Variants in GRIK1 observed in about 807,000 individuals in gnomAD.
GRIK1 encodes glutamate receptor ionotropic, kainate 1.
GRIK1 carries 69 observed loss-of-function variants against 105.7 expected under a neutral mutation model. The ratio of observed to expected loss-of-function variants is 0.65; its 90% CI spans 0.54 to 0.80. The LOEUF (loss-of-function observed/expected upper bound fraction) is 0.80, where lower values mean the gene tolerates loss of function less well. Among genes scored for constraint, GRIK1 ranks in the 30% least tolerant of loss-of-function variants. GRIK1 has a pLI of 0.00. For missense variants in GRIK1, 1,109 were observed against 1,167.3 expected (o/e 0.95, Z 0.73); for synonymous variants, 438 against 431.3 (o/e 1.02, Z -0.19).
intron 1 of GRIK1, among the ~76,000 whole-genome samples, chr21:29,782,570 G>T (rs1480047773): frequency 6.6e-6 from 1 of 152,150 alleles, no homozygotes; most frequent in Non-Finnish European, 1.5e-5. Flanking sequence ...TACTCTGATT[G>T]ATTCTGTGCC....
chr21:29,863,841 A>G (rs566926006), intron 1 of GRIK1, among the ~76,000 whole-genome samples: 1 of 152,282 alleles, frequency 6.6e-6, no homozygotes, highest in African/African-American at 2.4e-5. Context: ...TAGCTATCAC[A>G]CATTCTTCCC....
At chr21:29,656,242 A>G (rs1482347086) in intron 4 of GRIK1, among the ~76,000 whole-genome samples, 10 of 151,052 alleles carry the variant, frequency 6.6e-5, no homozygotes, top group South Asian at 4.2e-4. Context: ...GGTGCCTGTA[A>G]TCCCAGCTAC....
intron 1 of GRIK1, among the ~76,000 whole-genome samples, chr21:29,733,007 C>A (rs2064680303): frequency 6.6e-6 from 1 of 152,142 alleles, no homozygotes; most frequent in African/African-American, 2.4e-5. Flanking sequence ...TGGCATTGAA[C>A]TTAATTTATA....
chr21:29,630,399 G>A (rs2062239182), intron 7 of GRIK1: 3 of 414,234 alleles, frequency 7.2e-6, no homozygotes, highest in Non-Finnish European at 1.5e-5. Context: ...GTTTTGCGAT[G>A]CAATTAGGTA....
At chr21:29,621,527 A>G (rs2062003531) in intron 7 of GRIK1, among the ~76,000 whole-genome samples, 1 of 152,190 alleles carries the variant, frequency 6.6e-6, no homozygotes. Context: ...CTAATTTCTT[A>G]CTTTGTAGTA....
At chr21:29,673,817 T>TA (rs975948522) in intron 3 of GRIK1, among the ~76,000 whole-genome samples, 6 of 151,658 alleles carry the variant, frequency 4.0e-5, no homozygotes, top group Middle Eastern at 3.2e-3. Flanking sequence ...AAACAGAATT[T>TA]AAAAAAAAAT....
At chr21:29,607,367 G>A (rs363452) in intron 7 of GRIK1, among the ~76,000 whole-genome samples, 4,534 of 150,204 alleles carry the variant, frequency 0.03, 125 homozygotes, top group Admixed American at 0.089. Context: ...AACCAAAACT[G>A]CAACCCTCAA....
chr21:29,592,436 A>G (rs2061346649), intron 9 of GRIK1, among the ~76,000 whole-genome samples: 1 of 152,218 alleles, frequency 6.6e-6, no homozygotes, highest in Non-Finnish European at 1.5e-5. Flanking sequence ...GAGGTGGTGT[A>G]GAAGTGTATT....
At chr21:29,916,179 A>T (rs930123888) in intron 1 of GRIK1, among the ~76,000 whole-genome samples, 3 of 151,984 alleles carry the variant, frequency 2.0e-5, no homozygotes, top group African/African-American at 7.2e-5. Context: ...TTGAAACTGA[A>T]ATTTACACAG....
chr21:29,634,675 A>T (rs575595211), intron 7 of GRIK1, among the ~76,000 whole-genome samples: 1 of 152,162 alleles, frequency 6.6e-6, no homozygotes, highest in Non-Finnish European at 1.5e-5. Context: ...AGAGCTACGG[A>T]GTTGAAAGCA....
chr21:29,698,730 C>G (rs1302921778), intron 1 of GRIK1, among the ~76,000 whole-genome samples: 2 of 152,132 alleles, frequency 1.3e-5, no homozygotes. Flanking sequence ...GATCAACGGT[C>G]AAGGTGCATG....
chr21:29,674,017 C>T (rs60144341), intron 3 of GRIK1, among the ~76,000 whole-genome samples: 2,087 of 151,988 alleles, frequency 0.014, 47 homozygotes, highest in African/African-American at 0.049. Flanking sequence ...CACTACGCTG[C>T]ACCTTGGCTC....
chr21:29,665,304 A>G (rs1228330504), intron 4 of GRIK1, among the ~76,000 whole-genome samples: 1 of 152,226 alleles, frequency 6.6e-6, no homozygotes, highest in African/African-American at 2.4e-5. Flanking sequence ...ACTCGTAACT[A>G]TGAACCGCTC....
At chr21:29,592,282 T>G (rs566320067) in intron 9 of GRIK1, among the ~76,000 whole-genome samples, 1 of 152,328 alleles carries the variant, frequency 6.6e-6, no homozygotes, top group Admixed American at 6.5e-5. Context: ...GTGAACTCCT[T>G]CAGTGAGGAT....
chr21:29,916,052 T>C (rs1386059486), intron 1 of GRIK1, among the ~76,000 whole-genome samples: 1 of 151,974 alleles, frequency 6.6e-6, no homozygotes, highest in Non-Finnish European at 1.5e-5. Context: ...ACAAATTGAG[T>C]TAATAAAATA....
At chr21:29,789,895 A>G (rs2045819486) in intron 1 of GRIK1, among the ~76,000 whole-genome samples, 1 of 152,212 alleles carries the variant, frequency 6.6e-6, no homozygotes, top group Admixed American at 6.5e-5. Context: ...TAAAATGCCT[A>G]TAAAGTTTTA....
intron 1 of GRIK1, among the ~76,000 whole-genome samples, chr21:29,808,528 A>C (rs913716919): frequency 6.6e-6 from 1 of 152,200 alleles, no homozygotes; most frequent in African/African-American, 2.4e-5. Context: ...GGACATTCAA[A>C]GAAAGGACCT....
chr21:29,611,917 C>A (rs551819501), intron 7 of GRIK1, among the ~76,000 whole-genome samples: 1 of 152,168 alleles, frequency 6.6e-6, no homozygotes, highest in African/African-American at 2.4e-5. Context: ...TGTGAGTTGC[C>A]CAAGTGGATC....
intron 1 of GRIK1, among the ~76,000 whole-genome samples, chr21:29,902,752 C>T (rs184546276): frequency 6.6e-5 from 10 of 152,054 alleles, no homozygotes; most frequent in African/African-American, 2.4e-4. Context: ...CTATCCCCAT[C>T]AAGCTACCAC....
Sources: allele counts gnomAD v4.1 joint callset (sites outside exome capture counted in the v4.1 genomes callset), GRCh38; gene constraint gnomAD v4.1.1; transcripts MANE v1.5; gene names NCBI Gene and HGNC (gene_info 2026-07-23, HGNC 2026-07-21).